SDK1: variants seen among roughly 807,000 people sequenced by gnomAD.
SDK1 encodes sidekick cell adhesion molecule 1.
SDK1 carries 157 observed loss-of-function variants against 245.5 expected under a neutral mutation model. The ratio of observed to expected loss-of-function variants is 0.64; its 90% CI spans 0.56 to 0.73. SDK1 has a LOEUF of 0.73. Ranked by LOEUF, SDK1 falls within the 30% of genes least tolerant of loss-of-function variation. The probability of loss-of-function intolerance (pLI) is 0.00; values close to 1 mark genes in which losing one functional copy is unlikely to be tolerated. For missense variants in SDK1, 3,583 were observed against 3,002.3 expected (o/e 1.19, Z -4.52); for synonymous variants, 1,647 against 1,278.5 (o/e 1.29, Z -6.15).
chr7:3,353,662 C>A (rs755239906), intron 1 of SDK1, among the ~76,000 whole-genome samples: 1 of 152,194 alleles, frequency 6.6e-6, no homozygotes, highest in African/African-American at 2.4e-5. Flanking sequence ...AGACCTATTA[C>A]AAGGGATGAT....
At chr7:3,745,912 C>G (rs974787469) in intron 4 of SDK1, among the ~76,000 whole-genome samples, 6 of 152,202 alleles carry the variant, frequency 3.9e-5, no homozygotes, top group Non-Finnish European at 8.8e-5. Context: ...AACATACACT[C>G]TGAAGCCTGC....
intron 1 of SDK1, among the ~76,000 whole-genome samples, chr7:3,444,593 C>G (rs1780292084): frequency 6.6e-6 from 1 of 152,176 alleles, no homozygotes; most frequent in Non-Finnish European, 1.5e-5. Flanking sequence ...ACACACTCTT[C>G]TGTTGTTCGT....
At chr7:3,722,846 C>G (rs1029652798) in intron 4 of SDK1, among the ~76,000 whole-genome samples, 2 of 152,212 alleles carry the variant, frequency 1.3e-5, no homozygotes. Context: ...CATCTGACCA[C>G]TCCCCTCCTG....
intron 4 of SDK1, among the ~76,000 whole-genome samples, chr7:3,759,860 T>C (rs188356609): frequency 7.2e-4 from 109 of 152,296 alleles, no homozygotes; most frequent in African/African-American, 2.5e-3. Context: ...CCCAAAGTGC[T>C]GGGATTACAG....
chr7:3,597,985 G>A (rs1410059133), intron 1 of SDK1, among the ~76,000 whole-genome samples: 1 of 152,256 alleles, frequency 6.6e-6, no homozygotes, highest in South Asian at 2.1e-4. Flanking sequence ...CATTGTGTAG[G>A]TATTTAATTT....
chr7:3,527,363 G>C (rs1260751280), intron 1 of SDK1, among the ~76,000 whole-genome samples: 1 of 152,194 alleles, frequency 6.6e-6, no homozygotes. Flanking sequence ...TGTGAACGTG[G>C]AGATGAAGGC....
At chr7:3,541,590 A>G (rs1308753260) in intron 1 of SDK1, among the ~76,000 whole-genome samples, 3 of 152,154 alleles carry the variant, frequency 2.0e-5, no homozygotes, top group Non-Finnish European at 2.9e-5. Context: ...AACTTTATAT[A>G]TAACTATGGA....
At chr7:3,674,738 G>T (rs1001593842) in intron 4 of SDK1, among the ~76,000 whole-genome samples, 1 of 152,180 alleles carries the variant, frequency 6.6e-6, no homozygotes, top group African/African-American at 2.4e-5. Flanking sequence ...TTTTCATGGT[G>T]TGAATACTCC....
intron 5 of SDK1, among the ~76,000 whole-genome samples, chr7:3,918,375 G>A (rs537050943): frequency 7.9e-5 from 12 of 152,250 alleles, no homozygotes; most frequent in South Asian, 6.2e-4. Flanking sequence ...TCAGATCAGC[G>A]GCTGCATTAG....
At chr7:3,390,396 G>T (rs930006467) in intron 1 of SDK1, among the ~76,000 whole-genome samples, 1 of 152,092 alleles carries the variant, frequency 6.6e-6, no homozygotes, top group Non-Finnish European at 1.5e-5. Flanking sequence ...TACAGTTATC[G>T]AAGCCAATAT....
chr7:3,421,424 A>T (rs1290533229), intron 1 of SDK1, among the ~76,000 whole-genome samples: 1 of 152,182 alleles, frequency 6.6e-6, no homozygotes, highest in Admixed American at 6.5e-5. Flanking sequence ...TTTGTCACTA[A>T]ATAATTATGA....
intron 2 of SDK1, among the ~76,000 whole-genome samples, chr7:3,621,863 G>A (rs1180521786): frequency 6.6e-6 from 1 of 152,054 alleles, no homozygotes; most frequent in East Asian, 1.9e-4. Context: ...ATATACAGAG[G>A]GTCCCCAACT....
At chr7:4,238,144 A>G (rs1178434941) in intron 42 of SDK1, among the ~76,000 whole-genome samples, 2 of 151,720 alleles carry the variant, frequency 1.3e-5, no homozygotes, top group Non-Finnish European at 2.9e-5. Context: ...CACTGGCACA[A>G]TCTCGGCTCA....
intron 1 of SDK1, among the ~76,000 whole-genome samples, chr7:3,302,649 C>T (rs542896946): frequency 3.2e-4 from 49 of 151,290 alleles, no homozygotes; most frequent in Admixed American, 7.9e-4. Flanking sequence ...GTAACGTACC[C>T]CTGCCAGCTA....
chr7:4,101,190 C>G (rs547220443), intron 22 of SDK1, among the ~76,000 whole-genome samples: 1 of 151,806 alleles, frequency 6.6e-6, no homozygotes, highest in Non-Finnish European at 1.5e-5. Context: ...GCTCTGTCAC[C>G]CAGGCTGGAG....
intron 1 of SDK1, among the ~76,000 whole-genome samples, chr7:3,311,083 G>A (rs558072383): frequency 1.3e-5 from 2 of 152,106 alleles, no homozygotes; most frequent in African/African-American, 2.4e-5. Flanking sequence ...GATGAGTCAC[G>A]GTAGTAGAGT....
intron 4 of SDK1, among the ~76,000 whole-genome samples, chr7:3,644,793 C>CAAAAAAAAAAAA (rs59276438): frequency 9.2e-6 from 1 of 108,864 alleles, no homozygotes; most frequent in African/African-American, 3.6e-5. Context: ...AAAAAAAAAA[C>CAAAAAAAAAAAA]AAAAAACAAC....
chr7:3,776,353 G>A (rs1583402369), intron 4 of SDK1, among the ~76,000 whole-genome samples: 1 of 152,196 alleles, frequency 6.6e-6, no homozygotes, highest in Admixed American at 6.5e-5. Flanking sequence ...CTGTTTCCCA[G>A]TTGCACGGTG....
chr7:3,918,830 A>G lies in SDK1; in HGVS notation c.848-32093A>G, dbSNP rs948828182. 3.3e-5 allele frequency among the ~76,000 whole-genome samples: 5 copies of G among 151,966 alleles called. No individual in the cohort carries two copies. In the East Asian group the frequency reaches 9.7e-4, roughly 29 times the overall value. On this transcript the variant is annotated intron_variant, in intron 5 of 44. Coordinates refer to ENST00000404826, the MANE Select transcript of SDK1 (RefSeq NM_152744.4). Reference sequence around the variant, plus strand: ...CTTCCTGTCTTAGTTGGCCCCATTTATCCTCTGACGGTTTCCCACATACAT... The same window carrying G: ...CTTCCTGTCTTAGTTGGCCCCATTTGTCCTCTGACGGTTTCCCACATACAT...
Sources: gnomAD v4.1 joint callset for allele counts (sites outside exome capture counted in the v4.1 genomes callset) on GRCh38, gnomAD v4.1.1 for gene constraint, MANE v1.5 for transcripts, NCBI Gene and HGNC (gene_info 2026-07-23, HGNC 2026-07-21) for gene names.